RPL12: variants seen among roughly 807,000 people sequenced by gnomAD.
The protein encoded by RPL12 is ribosomal protein L12.
In RPL12, 10 loss-of-function variants were observed where a neutral mutation model predicts 24.5. The observed-to-expected ratio is 0.41, with a 90% CI of 0.25 to 0.69. The LOEUF is 0.69. RPL12 is among the 30% of genes least tolerant of loss of function. RPL12 has a pLI of 0.33. For synonymous variants in RPL12, 74 were observed against 76.1 expected, an observed-to-expected ratio of 0.97 and a Z score of 0.14; for missense variants, 137 against 205.3, an observed-to-expected ratio of 0.67 and a Z score of 2.03.
At chr9:127,448,216 A>G in intron 5 of RPL12, 121 bp downstream of exon 5, 3 of 1,001,770 alleles carry the variant, frequency 3.0e-6, no homozygotes, top group Non-Finnish European at 4.7e-6. Flanking sequence ...CCATCCTTTC[A>G]GTCCCAGAAA....
chr9:127,448,334 T>C lies in RPL12; in HGVS notation c.379+3A>G, dbSNP rs753149477. 15 of 1,606,162 alleles carry C rather than the reference T, an allele frequency of 9.3e-6. No individual in the cohort carries two copies. The highest frequency in any genetic ancestry group is 1.3e-5 in the Non-Finnish European group (15 of 1,172,876). On this transcript the variant is annotated splice_donor_region_variant and intron_variant, in intron 5 of 6. Transcript: ENST00000361436. Reference sequence around the variant, plus strand: ...TGGCGGTTACATGTTGTCCTGCTCTTACCAGAGAGTTCTCTGGCTAAGGAT... The same window carrying C: ...TGGCGGTTACATGTTGTCCTGCTCTCACCAGAGAGTTCTCTGGCTAAGGAT...
In RPL12 at chr9:127,450,454, A is replaced by G. The variant is rs117446891; in HGVS notation, c.111+277T>C. On this transcript the variant is annotated intron_variant, in intron 2 of 6. Coordinates refer to ENST00000361436, the MANE Select transcript of RPL12 (RefSeq NM_000976.4). ...CAGATGTTGGCTGCCCAATGTCTCT[A>G]AGCCAGTCCTAACTTCAAAACTCCC... 81 of 415,354 alleles carry G rather than the reference A, an allele frequency of 2.0e-4. No individual in the cohort carries two copies. In the East Asian group the frequency reaches 3.0e-3, roughly 16 times the overall value. 25.7% of individuals were successfully genotyped at this position (415,354 alleles called of 1,614,324 possible).
At chr9:127,449,073 C>T (rs1488479469) in intron 4 of RPL12, 4 of 489,958 alleles carry the variant, frequency 8.2e-6, no homozygotes, top group African/African-American at 5.9e-5. Context: ...CTGATCCACC[C>T]GCCTCAGCCT....
intron 3 of RPL12, 112 bp downstream of exon 3, chr9:127,449,498 G>T: frequency 7.7e-7 from 1 of 1,295,816 alleles, no homozygotes; most frequent in Non-Finnish European, 1.1e-6. Flanking sequence ...TCCCCAACAA[G>T]GTGAAATCAC....
chr9:127,451,295 T>A lies in RPL12; in HGVS notation c.23A>T (p.Asn8Ile). 6.2e-7 allele frequency: 1 copy of A among 1,613,044 alleles called. No homozygotes were observed. Among genetic ancestry groups the A allele is most frequent in the Non-Finnish European group, 8.5e-7 (1 of 1,179,890 alleles). Residue 8 changes from asparagine to isoleucine, a missense_variant, in exon 1 of 7, where the codon AAC becomes ATC. Asn to Ile is a moderately radical substitution (Grantham distance 149). Transcript: ENST00000361436. MPPKFDP[N>I]EIKVVYLRCT... Reference sequence around the variant, plus strand: ...AGAGCACGCACCGACTTTGATCTCGTTGGGGTCGAACTTCGGCGGCATGGT... The same window carrying A: ...AGAGCACGCACCGACTTTGATCTCGATGGGGTCGAACTTCGGCGGCATGGT...
intron 2 of RPL12, 128 bp downstream of exon 2, chr9:127,450,603 G>C (rs1373269584): frequency 6.2e-6 from 4 of 648,808 alleles, no homozygotes; most frequent in Non-Finnish European, 1.0e-5. Context: ...TACTTGTTCA[G>C]TGGCTCAGGC....
intron 1 of RPL12, 177 bp from the exon 2 acceptor site, chr9:127,450,981 G>A: frequency 1.5e-6 from 1 of 645,412 alleles, no homozygotes. Context: ...ACACCGGGGA[G>A]GCGTGGAGAG....
chr9:127,448,435 G>C lies in RPL12; in HGVS notation c.293-12C>G, dbSNP rs765582967. On this transcript the variant is annotated splice_polypyrimidine_tract_variant and intron_variant, in intron 4 of 6. Transcript: ENST00000361436. ...CCCACTGTGTTTAACTGCAGAAGAG[G>C]AAACAGCAAAAGCTCTTTTAAAGTC... 5 of 1,581,216 alleles carry C rather than the reference G, an allele frequency of 3.2e-6. No individual in the cohort carries two copies. In the African/African-American group the frequency reaches 6.7e-5, roughly 21 times the overall value.
At chr9:127,448,971 A>G in intron 4 of RPL12, 1 of 346,230 alleles carries the variant, frequency 2.9e-6, no homozygotes, top group South Asian at 2.4e-5. Context: ...AGCCAGGTCT[A>G]CAGGCGAGCA....
At position 127,451,138 on chromosome 9, in the gene RPL12, G is replaced by A. The variant is rs1166854223; in HGVS notation, c.37+143C>T. On this transcript the variant is annotated intron_variant, in intron 1 of 6. Coordinates refer to ENST00000361436, the MANE Select transcript of RPL12 (RefSeq NM_000976.4). Reference sequence around the variant, plus strand: ...GAAGAAGCTAAGGCCCAGAAAGGCTGAGGCTTGGCCGGGGCGGCGCAACAC... The same window carrying A: ...GAAGAAGCTAAGGCCCAGAAAGGCTAAGGCTTGGCCGGGGCGGCGCAACAC... 7 of 1,152,522 alleles carry A rather than the reference G, an allele frequency of 6.1e-6. No individual in the cohort carries two copies. The South Asian group carries it at 7.6e-5, about 13-fold the overall frequency. The allele number at this position is 1,152,522 out of a possible 1,614,324, so 71.4% of individuals were successfully genotyped here. A position where few individuals can be genotyped will look rare whatever the true frequency, so the allele number is the denominator to read the frequency against.
In RPL12 at chr9:127,450,816, G is replaced by A; in HGVS notation, c.38-12C>T. ...GCACCTCAGGTATACTGGGGGAAAA[G>A]AAGAGTTAGTGTCTGTGCAGAGGGA... is the stretch of plus-strand genomic sequence containing the variant. On this transcript the variant is annotated splice_polypyrimidine_tract_variant and intron_variant, in intron 1 of 6. Transcript: ENST00000361436. 1.9e-6 allele frequency: 3 copies of A among 1,554,124 alleles called. No individual in the cohort carries two copies. The highest frequency in any genetic ancestry group is 1.2e-5 in the South Asian group (1 of 84,470).
chr9:127,449,159 T>G (rs1485668803), intron 4 of RPL12, 122 bp downstream of exon 4: 2 of 753,790 alleles, frequency 2.7e-6, no homozygotes, highest in Admixed American at 2.4e-5. Context: ...CTAGCAGCCC[T>G]AACCATATCA....
Position 127,451,376 on chromosome 9 carries a change from C to T in RPL12, c.-59G>A, listed in dbSNP as rs987080271. The T allele has an allele frequency of 2.4e-5, 39 of 1,605,272 alleles. No individual in the cohort carries two copies. Among genetic ancestry groups the T allele is most frequent in the Non-Finnish European group, 3.2e-5 (38 of 1,176,368 alleles). On this transcript the variant is annotated 5_prime_UTR_variant, in exon 1 of 7. Coordinates refer to ENST00000361436, the MANE Select transcript of RPL12 (RefSeq NM_000976.4). The stretch of plus-strand genomic sequence containing the variant: ...TCGGGACGACCGAAGGAAGTTGCAC[C>T]TTGGCCTCCTCCGAGCCGAAAGCCG...
At position 127,448,687 on chromosome 9, in the gene RPL12, G is replaced by C. The variant is rs770378789; in HGVS notation, c.293-264C>G. ...CTGACATGGCAGAAACTGTTTTAGA[G>C]AAATGACAAGCTTAAATTGCCAGGG... On this transcript the variant is annotated intron_variant, in intron 4 of 6. Transcript: ENST00000361436. The C allele has an allele frequency of 2.6e-4, 178 of 681,386 alleles. 1 individual carries two copies. The highest frequency in any genetic ancestry group is 4.4e-4 in the Non-Finnish European group (161 of 366,042). 42.2% of individuals were successfully genotyped at this position (681,386 alleles called of 1,614,324 possible).
At chr9:127,450,661 G>T in intron 2 of RPL12, 70 bp downstream of exon 2, 3 of 1,212,642 alleles carry the variant, frequency 2.5e-6, no homozygotes, top group African/African-American at 1.5e-5. Context: ...TGGCACAGGC[G>T]TGACTCCACG....
rs759431844 is a variant in RPL12 at position 127,450,842 on chromosome 9, G to T, written c.38-38C>A. Reference sequence around the variant, plus strand: ...AAGAGTTAGTGTCTGTGCAGAGGGAGCCCCGAGCCACAGCCCTCTCAGCGT... The same window carrying T: ...AAGAGTTAGTGTCTGTGCAGAGGGATCCCCGAGCCACAGCCCTCTCAGCGT... On this transcript the variant is annotated intron_variant, in intron 1 of 6. Transcript: ENST00000361436. The T allele has an allele frequency of 6.3e-6, 9 of 1,438,496 alleles. No homozygotes were observed. The South Asian group carries it at 1.1e-4, about 18-fold the overall frequency. 89.1% of individuals were successfully genotyped at this position (1,438,496 alleles called of 1,614,324 possible).
intron 4 of RPL12, 63 bp downstream of exon 4, chr9:127,449,218 G>T: frequency 7.3e-7 from 1 of 1,373,316 alleles, no homozygotes; most frequent in Non-Finnish European, 1.0e-6. Context: ...GGAAAACACA[G>T]CCACATATAT....
chr9:127,451,354 G>A lies in RPL12; in HGVS notation c.-37C>T, dbSNP rs760852578. On this transcript the variant is annotated 5_prime_UTR_variant, in exon 1 of 7. Coordinates refer to ENST00000361436, the MANE Select transcript of RPL12 (RefSeq NM_000976.4). ...CTGGTGTCGGATGAACCCGGATTCG[G>A]GACGACCGAAGGAAGTTGCACCTTG... 1.7e-5 allele frequency: 28 copies of A among 1,610,958 alleles called. 1 individual carries two copies. The Middle Eastern group carries it at 8.5e-4, about 49-fold the overall frequency.
chr9:127,448,119 A>T, intron 5 of RPL12, 130 bp from the exon 6 acceptor site: 1 of 1,205,862 alleles, frequency 8.3e-7, no homozygotes, highest in Non-Finnish European at 1.2e-6. Context: ...CTAATATAGA[A>T]TATAGAGTTC....
Sources: allele counts gnomAD v4.1 joint callset, GRCh38; gene constraint gnomAD v4.1.1; transcripts MANE v1.5; gene names NCBI Gene and HGNC (gene_info 2026-07-23, HGNC 2026-07-21).